The following KIAA1549L variants were observed in gnomAD, a reference collection of about 807,000 sequenced individuals.
The protein encoded by KIAA1549L is KIAA1549 like.
A neutral mutation model predicts 160.7 loss-of-function variants in KIAA1549L; 88 were observed. That is an observed-to-expected ratio of 0.55 (90% confidence interval 0.46 to 0.65). The LOEUF is 0.65. Ranked by LOEUF, KIAA1549L falls within the 30% of genes least tolerant of loss-of-function variation. The pLI, the probability that KIAA1549L is intolerant of heterozygous loss-of-function variation, is 0.00. For synonymous variants in KIAA1549L, 950 were observed against 976.7 expected, an observed-to-expected ratio of 0.97 and a Z score of 0.51; for missense variants, 2,258 against 2,437.5, an observed-to-expected ratio of 0.93 and a Z score of 1.55.
At chr11:33,454,154 G>A (rs960194639) in intron 1 of KIAA1549L, among the ~76,000 whole-genome samples, 3 of 152,174 alleles carry the variant, frequency 2.0e-5, no homozygotes, top group Admixed American at 6.5e-5. Context: ...AGAAGTAAGC[G>A]GAGGAGACTC....
chr11:33,520,744 C>G (rs1442806626), intron 1 of KIAA1549L, among the ~76,000 whole-genome samples: 1 of 150,660 alleles, frequency 6.6e-6, no homozygotes, highest in Non-Finnish European at 1.5e-5. Context: ...CACACACTCC[C>G]TCTCTCTCCC....
chr11:33,602,879 A>C (rs1262059732), intron 13 of KIAA1549L, among the ~76,000 whole-genome samples: 1 of 152,234 alleles, frequency 6.6e-6, no homozygotes, highest in African/African-American at 2.4e-5. Flanking sequence ...AATTGTACAA[A>C]TCTGAATAAA....
intron 20 of KIAA1549L, among the ~76,000 whole-genome samples, chr11:33,666,497 C>T (rs137993595): frequency 7.9e-5 from 12 of 152,330 alleles, no homozygotes; most frequent in African/African-American, 2.6e-4. Context: ...ATACTTCATT[C>T]GCCATAGCAC....
At position 33,664,627 on chromosome 11, in the gene KIAA1549L, C is replaced by T. The variant is rs373507716; in HGVS notation, c.6160-3246C>T. 1.4e-4 allele frequency among the ~76,000 whole-genome samples: 22 copies of T among 152,280 alleles called. No individual in the cohort carries two copies. The East Asian group carries it at 3.7e-3, about 25-fold the overall frequency. On this transcript the variant is annotated intron_variant, in intron 20 of 20. Transcript: ENST00000658780. ...GGGATTAGTGCCCTTAGAAAAGAGG[C>T]GTGAGAGAGACCCCTGACCTTTCCT...
At chr11:33,653,332 G>T (rs1233022245) in intron 17 of KIAA1549L, among the ~76,000 whole-genome samples, 2 of 152,222 alleles carry the variant, frequency 1.3e-5, no homozygotes, top group African/African-American at 4.8e-5. Context: ...TTTCCAAATT[G>T]ATTCAGTCAG....
intron 11 of KIAA1549L, among the ~76,000 whole-genome samples, chr11:33,586,713 C>T (rs1259832244): frequency 6.6e-6 from 1 of 152,042 alleles, no homozygotes; most frequent in Non-Finnish European, 1.5e-5. Flanking sequence ...TCCTCTTTCC[C>T]ACTACTATCT....
chr11:33,602,537 C>G (rs1417136698), intron 13 of KIAA1549L, among the ~76,000 whole-genome samples: 1 of 152,176 alleles, frequency 6.6e-6, no homozygotes, highest in Admixed American at 6.5e-5. Context: ...CCAGTTCAGA[C>G]ATGAAGAAAT....
chr11:33,447,623 G>GCACACACACA (rs56839961), intron 1 of KIAA1549L, among the ~76,000 whole-genome samples: 24,228 of 147,076 alleles, frequency 0.16, 2,184 homozygotes, highest in East Asian at 0.3. Context: ...ACATGAACTT[G>GCACACACACA]CACACACACA....
chr11:33,460,476 GT>G (rs1398902988), intron 1 of KIAA1549L, among the ~76,000 whole-genome samples: 1 of 152,192 alleles, frequency 6.6e-6, no homozygotes, highest in Non-Finnish European at 1.5e-5. Flanking sequence ...TGGGTTCCTG[GT>G]GTAGCAGAAC....
rs557897716 is a variant in KIAA1549L, at chr11:33,648,410, AATG to A, written c.5760+2383_5760+2385del. Among the ~76,000 whole-genome samples, 133 of 151,818 alleles carry A rather than the reference AATG, an allele frequency of 8.8e-4. 1 individual carries two copies. The highest frequency in any genetic ancestry group is 3.0e-3 in the African/African-American group (125 of 41,406). ...AAAATAGCTAACAATACAGAGTAGA[AATG>A]ATGATGATTCTTAACCCAAGCTCAT... On this transcript the variant is annotated intron_variant, in intron 17 of 20. Coordinates refer to ENST00000658780, the MANE Select transcript of KIAA1549L (RefSeq NM_012194.3).
chr11:33,519,486 G>A (rs1264935156), intron 1 of KIAA1549L, among the ~76,000 whole-genome samples: 2 of 152,122 alleles, frequency 1.3e-5, no homozygotes. Flanking sequence ...TATTTCACCA[G>A]CAAATGGCTG....
In KIAA1549L at chr11:33,609,754, C is replaced by A. The variant is rs1160977442; in HGVS notation, c.5067C>A (p.Asn1689Lys). 3.1e-6 allele frequency: 5 copies of A among 1,604,200 alleles called. No homozygotes were observed. The East Asian group carries it at 6.7e-5, about 22-fold the overall frequency. The stretch of plus-strand genomic sequence containing the variant: ...GAGACTGCCTCTCTCCCCAGGTGAA[C>A]AAAGCCCTGAAGCAGAAGTCAGACA... ...ESSAVLNGEV[N>K]KALKQKSDIE... Residue 1689 changes from asparagine to lysine, a missense_variant, in exon 15 of 21, where the codon AAC (asparagine) becomes AAA (lysine). By Grantham distance (94) the Asn-to-Lys change is moderately conservative. Around this residue, in one of 6 missense-constraint regions of KIAA1549L, gnomAD observed 1,359 missense variants for 1,546.6 expected, o/e 0.88. Transcript: ENST00000658780.
At chr11:33,560,366 C>T (rs1378432407) in intron 7 of KIAA1549L, among the ~76,000 whole-genome samples, 1 of 152,144 alleles carries the variant, frequency 6.6e-6, no homozygotes, top group African/African-American at 2.4e-5. Context: ...ATTCTGCCTG[C>T]TAGGGCAACC....
chr11:33,495,326 T>C (rs1590287558), intron 1 of KIAA1549L, among the ~76,000 whole-genome samples: 1 of 150,594 alleles, frequency 6.6e-6, no homozygotes, highest in African/African-American at 2.4e-5. Context: ...CCTTCCTGTG[T>C]CCATGCGTTC....
intron 15 of KIAA1549L, among the ~76,000 whole-genome samples, chr11:33,611,779 C>T (rs1025401909): frequency 1.3e-5 from 2 of 152,022 alleles, no homozygotes; most frequent in African/African-American, 4.8e-5. Flanking sequence ...AGAGGTGGGG[C>T]TAAATTTTAT....
At chr11:33,407,081 A>ATTTTTTT (rs750670251) in intron 1 of KIAA1549L, among the ~76,000 whole-genome samples, 74 of 100,132 alleles carry the variant, frequency 7.4e-4, no homozygotes, top group East Asian at 7.3e-3. Context: ...TTCTTTTTTC[A>ATTTTTTT]TTTTTTTTTT....
chr11:33,525,087 C>T (rs945152994), intron 1 of KIAA1549L, among the ~76,000 whole-genome samples: 5 of 152,144 alleles, frequency 3.3e-5, no homozygotes, highest in African/African-American at 7.2e-5. Context: ...GCACCTCCCA[C>T]GTGGATGGAC....
chr11:33,536,647 A>G (rs929729572), intron 1 of KIAA1549L, among the ~76,000 whole-genome samples: 11 of 152,252 alleles, frequency 7.2e-5, no homozygotes, highest in Non-Finnish European at 1.0e-4. Flanking sequence ...GAGAGGGGAC[A>G]TAGACACCAC....
intron 6 of KIAA1549L, among the ~76,000 whole-genome samples, chr11:33,558,834 CTTTTCTTTTTT>C (rs1030624060): frequency 2.0e-5 from 3 of 150,318 alleles, no homozygotes; most frequent in African/African-American, 4.9e-5. Flanking sequence ...ATTCCTTTTT[CTTTTCTTTTTT>C]TTTTTTTTTG....
Sources: allele counts gnomAD v4.1 joint callset (sites outside exome capture counted in the v4.1 genomes callset), GRCh38; gene constraint gnomAD v4.1.1; regional missense constraint gnomAD v4.1.1; transcripts MANE v1.5; gene names NCBI Gene and HGNC (gene_info 2026-07-23, HGNC 2026-07-21).